The following ORC3 variants were observed in gnomAD, a reference collection of about 807,000 sequenced individuals.
ORC3 encodes the protein origin recognition complex subunit 3.
In ORC3, 78 loss-of-function variants were observed where a neutral mutation model predicts 100.7. The observed-to-expected ratio is 0.77, with a 90% CI of 0.65 to 0.94. ORC3 has a LOEUF of 0.94. Ranked by LOEUF, ORC3 falls within the 40% of genes least tolerant of loss-of-function variation. The pLI, the probability that ORC3 is intolerant of heterozygous loss-of-function variation, is 0.00. For synonymous variants in ORC3, 295 were observed against 289.3 expected, an observed-to-expected ratio of 1.02 and a Z score of -0.20; for missense variants, 789 against 823.9, an observed-to-expected ratio of 0.96 and a Z score of 0.52.
At chr6:87,610,753 C>T (rs1778696918) in intron 7 of ORC3, among the ~76,000 whole-genome samples, 1 of 144,844 alleles carries the variant, frequency 6.9e-6, no homozygotes, top group Admixed American at 6.9e-5. Flanking sequence ...CGGGGTTTCA[C>T]CTTGTTAGCC....
intron 17 of ORC3, among the ~76,000 whole-genome samples, chr6:87,663,638 G>T (rs890748220): frequency 1.3e-5 from 2 of 152,204 alleles, no homozygotes; most frequent in African/African-American, 4.8e-5. Context: ...AGGATAACCA[G>T]CAGTCTGCCA....
At chr6:87,653,963 A>G (rs940347464) in intron 14 of ORC3, among the ~76,000 whole-genome samples, 4 of 152,164 alleles carry the variant, frequency 2.6e-5, no homozygotes, top group Non-Finnish European at 5.9e-5. Flanking sequence ...CTCTGTTTCT[A>G]GCACCAAAGT....
chr6:87,618,210 G>A (rs1369028727), intron 9 of ORC3, among the ~76,000 whole-genome samples: 1 of 152,056 alleles, frequency 6.6e-6, no homozygotes, highest in Non-Finnish European at 1.5e-5. Context: ...GGAGTTCGAG[G>A]CCAGCCTGGC....
intron 2 of ORC3, among the ~76,000 whole-genome samples, chr6:87,597,393 G>A (rs1007554962): frequency 1.3e-5 from 2 of 152,092 alleles, no homozygotes; most frequent in African/African-American, 4.8e-5. Context: ...TGCTCAACCT[G>A]TGCCAATGCT....
chr6:87,671,676 C>CA (rs1330467730), downstream of ORC3, among the ~76,000 whole-genome samples: 1 of 152,108 alleles, frequency 6.6e-6, no homozygotes, highest in Admixed American at 6.6e-5. Flanking sequence ...GGAGAAACGT[C>CA]AAAGCAAGTG....
intron 13 of ORC3, chr6:87,651,018 C>G (rs59774543): frequency 0.11 from 38,766 of 364,652 alleles, 2,230 homozygotes; most frequent in East Asian, 0.16. Context: ...AAAGAAAAAA[C>G]AAAAAAAGAA....
chr6:87,601,803 GA>G lies in ORC3; in HGVS notation c.104del (p.Asn35MetfsTer15). 4.4e-6 allele frequency: 7 copies of G among 1,605,648 alleles called. No individual in the cohort carries two copies. The highest frequency in any genetic ancestry group is 5.1e-6 in the Non-Finnish European group (6 of 1,172,522). ...TTTTAGAGGACTATTTTAACAAAGG[GA>G]AAAATGAGCCTGAGGACAGTAAGCT... ...LPIEDYFNKG[K>X]NEPEDSKLRF... is the part of the protein sequence containing the mutation. On this transcript the variant is annotated frameshift_variant, in exon 3 of 20. Transcript: ENST00000392844. LOFTEE classifies it high-confidence loss of function.
rs67349945 is a variant in ORC3 at position 87,610,934 on chromosome 6, C to CTTTTT, written c.714-1139_714-1135dup. 7.3e-4 allele frequency among the ~76,000 whole-genome samples: 78 copies of CTTTTT among 106,782 alleles called. 1 individual carries two copies. Among genetic ancestry groups the CTTTTT allele is most frequent in the Non-Finnish European group, 8.4e-4 (46 of 55,036 alleles). The allele number at this position is 106,782 out of a possible 152,430, so 70.1% of individuals were successfully genotyped here. Reference sequence around the variant, plus strand: ...AAGAGTTCTATATATTAGGACTTTTCTTTTTTTTTTTTTTTTTTTTGAGAC... The same window carrying CTTTTT: ...AAGAGTTCTATATATTAGGACTTTTCTTTTTTTTTTTTTTTTTTTTTTTTTGAGAC... On this transcript the variant is annotated intron_variant, in intron 7 of 19. Coordinates refer to ENST00000392844, the MANE Select transcript of ORC3 (RefSeq NM_012381.4).
the ORC3 span, among the ~76,000 whole-genome samples, chr6:87,674,638 ATATATT>A: frequency 6.9e-6 from 1 of 145,938 alleles, no homozygotes; most frequent in African/African-American, 2.6e-5. Context: ...ATATATATAT[ATATATT>A]TTTTTTTTTT....
chr6:87,634,207 T>C (rs895746549), intron 11 of ORC3, among the ~76,000 whole-genome samples: 4 of 152,182 alleles, frequency 2.6e-5, no homozygotes, highest in African/African-American at 9.6e-5. Flanking sequence ...TTATAAAACT[T>C]GTTGGCTTCA....
intron 13 of ORC3, among the ~76,000 whole-genome samples, chr6:87,642,616 T>G (rs539289719): frequency 6.8e-6 from 1 of 147,120 alleles, no homozygotes; most frequent in South Asian, 2.2e-4. Context: ...AATAAAGAAA[T>G]AAATGGCCGG....
intron 13 of ORC3, among the ~76,000 whole-genome samples, chr6:87,643,854 G>A (rs1272433789): frequency 6.6e-6 from 1 of 152,048 alleles, no homozygotes; most frequent in Non-Finnish European, 1.5e-5. Flanking sequence ...TTGCATATAA[G>A]CTGTGCACAT....
the ORC3 span, among the ~76,000 whole-genome samples, chr6:87,676,596 AACACACAC>A: frequency 0.014 from 1,935 of 142,116 alleles, 23 homozygotes; most frequent in Middle Eastern, 0.067. Flanking sequence ...CTCTACTAAA[AACACACAC>A]ACACACACAC....
Position 87,661,517 on chromosome 6 carries a change from T to G in ORC3, c.1692-1486T>G, listed in dbSNP as rs562168309. On this transcript the variant is annotated intron_variant, in intron 16 of 19. Transcript: ENST00000392844. ...AGTGATGTCCATGTTGAATACCCTT[T>G]CCACTTCCTCTCTTCTTCAGAGCTC... is the stretch of plus-strand genomic sequence containing the variant. 2.0e-5 allele frequency among the ~76,000 whole-genome samples: 3 copies of G among 152,260 alleles called. No homozygotes were observed. In the South Asian group the frequency reaches 6.2e-4, roughly 32 times the overall value.
chr6:87,616,488 T>C (rs750173483), intron 9 of ORC3, 61 bp downstream of exon 9: 24 of 729,032 alleles, frequency 3.3e-5, no homozygotes, highest in Non-Finnish European at 5.9e-5. Context: ...TTGCACATTA[T>C]TTCAGGCTGT....
chr6:87,668,777 G>A (rs1251740966), downstream of ORC3, among the ~76,000 whole-genome samples: 3 of 152,162 alleles, frequency 2.0e-5, no homozygotes, highest in African/African-American at 7.2e-5. Context: ...GAGGTCAGGA[G>A]TTTGAGACCA....
intron 4 of ORC3, 126 bp downstream of exon 4, chr6:87,603,654 A>G (rs544488369): frequency 7.9e-6 from 4 of 503,320 alleles, no homozygotes; most frequent in South Asian, 6.1e-5. Context: ...TATTTGTACA[A>G]TTAAACCAAC....
intron 1 of ORC3, among the ~76,000 whole-genome samples, chr6:87,592,371 C>T (rs1777093934): frequency 6.6e-6 from 1 of 152,180 alleles, no homozygotes. Context: ...TGGCTCATGC[C>T]TGTAATCCCA....
intron 18 of ORC3, 103 bp downstream of exon 18, chr6:87,664,962 T>G: frequency 1.4e-6 from 1 of 690,912 alleles, no homozygotes; most frequent in Admixed American, 2.6e-5. Context: ...TTATCTTGTG[T>G]TTAATGCCTT....
Sources: allele counts gnomAD v4.1 joint callset (sites outside exome capture counted in the v4.1 genomes callset), GRCh38; gene constraint gnomAD v4.1.1; transcripts MANE v1.5; gene names NCBI Gene and HGNC (gene_info 2026-07-23, HGNC 2026-07-21).